Variants in COL11A1 observed in about 807,000 individuals in gnomAD.
COL11A1 encodes collagen alpha-1(XI) chain.
Under a neutral mutation model 265.2 loss-of-function variants are expected in COL11A1, and 74 were observed. The ratio of observed to expected loss-of-function variants is 0.28; its 90% CI spans 0.23 to 0.34. The LOEUF (loss-of-function observed/expected upper bound fraction) is 0.34. Ranked by LOEUF, COL11A1 falls within the 10% of genes least tolerant of loss-of-function variation. The pLI, the probability that COL11A1 is intolerant of heterozygous loss-of-function variation, is 1.00. For missense variants in COL11A1, 2,165 were observed against 2,263.6 expected (o/e 0.96, Z 0.88); for synonymous variants, 816 against 727.6 (o/e 1.12, Z -1.96).
chr1:102,924,226 G>C (rs1011503773), intron 46 of COL11A1, among the ~76,000 whole-genome samples: 2 of 151,842 alleles, frequency 1.3e-5, no homozygotes, highest in African/African-American at 4.8e-5. Context: ...GTCTCCAAAA[G>C]ACAAAAAAAT....
intron 57 of COL11A1, among the ~76,000 whole-genome samples, chr1:102,892,313 C>T (rs768597297): frequency 6.6e-6 from 1 of 152,136 alleles, no homozygotes; most frequent in East Asian, 1.9e-4. Context: ...TTCTACAAGG[C>T]TACCATGAGT....
In COL11A1 at chr1:103,078,874, G is replaced by A. The variant is rs904653314; in HGVS notation, c.275-3C>T. 2 of 1,591,928 alleles carry A rather than the reference G, an allele frequency of 1.3e-6. No individual in the cohort carries two copies. The highest frequency in any genetic ancestry group is 1.3e-5 in the African/African-American group (1 of 74,556). On this transcript the variant is annotated splice_polypyrimidine_tract_variant and splice_region_variant and intron_variant, in intron 2 of 66. Coordinates refer to ENST00000370096, the MANE Select transcript of COL11A1 (RefSeq NM_001854.4). Reference sequence around the variant, plus strand: ...AAAGTCTTCTGGGAAAGTTCCACCTGAGAAGAAAAGGCCAAAGAGTTAGAA... The same window carrying A: ...AAAGTCTTCTGGGAAAGTTCCACCTAAGAAGAAAAGGCCAAAGAGTTAGAA...
intron 5 of COL11A1, among the ~76,000 whole-genome samples, chr1:103,027,868 T>C (rs989786470): frequency 2.0e-5 from 3 of 152,184 alleles, no homozygotes; most frequent in Non-Finnish European, 2.9e-5. Flanking sequence ...TTTTTTCTCT[T>C]ATAGGACAAA....
chr1:102,933,963 G>A (rs567176284), intron 46 of COL11A1, among the ~76,000 whole-genome samples: 9 of 152,098 alleles, frequency 5.9e-5, no homozygotes, highest in South Asian at 2.1e-4. Flanking sequence ...CACGGTGCGC[G>A]CACCCACTGA....
chr1:102,946,930 T>C lies in COL11A1; in HGVS notation c.3195A>G (p.Ala1065=), dbSNP rs750226345. 12 of 1,612,882 alleles carry C rather than the reference T, an allele frequency of 7.4e-6. No homozygotes were observed. The highest frequency in any genetic ancestry group is 1.0e-5 in the Non-Finnish European group (12 of 1,179,582). ...GTAAACCAATTGGGCCAGCTGTACC[T>C]GCTGACCCACGTTCTCCTGGTGAGC... ...PVGSPGERGS[A]GTAGPIGLPG... The change falls in exon 42 of 67, where the codon GCA becomes GCG. Residue 1065 remains alanine, a synonymous_variant. Coordinates refer to ENST00000370096, the MANE Select transcript of COL11A1 (RefSeq NM_001854.4).
At chr1:103,001,810 A>T in intron 24 of COL11A1, 115 bp downstream of exon 24, 1 of 870,450 alleles carries the variant, frequency 1.1e-6, no homozygotes, top group South Asian at 1.4e-5. Flanking sequence ...TTAATTCCTT[A>T]TGTGCTGAGC....
chr1:102,970,205 A>AGT lies in COL11A1; in HGVS notation c.2862+13_2862+14insAC. On this transcript the variant is annotated intron_variant, in intron 37 of 66. Coordinates refer to ENST00000370096, the MANE Select transcript of COL11A1 (RefSeq NM_001854.4). Reference sequence around the variant, plus strand: ...GAGATGGAAATTTTTAATAAGAGTAACAAGGTCACTTACAGTCTCCCCACG... The same window carrying AGT: ...GAGATGGAAATTTTTAATAAGAGTAAGTCAAGGTCACTTACAGTCTCCCCACG... 1.2e-6 allele frequency: 2 copies of AGT among 1,611,300 alleles called. No individual in the cohort carries two copies. Among genetic ancestry groups the AGT allele is most frequent in the Non-Finnish European group, 1.7e-6 (2 of 1,177,888 alleles).
chr1:103,076,895 T>C (rs957166668), intron 3 of COL11A1, among the ~76,000 whole-genome samples: 1 of 152,158 alleles, frequency 6.6e-6, no homozygotes, highest in Non-Finnish European at 1.5e-5. Flanking sequence ...GAATGTTCAC[T>C]CATGATGAAT....
At chr1:102,937,507 G>A (rs534961054) in intron 44 of COL11A1, among the ~76,000 whole-genome samples, 12 of 152,238 alleles carry the variant, frequency 7.9e-5, no homozygotes, top group African/African-American at 2.9e-4. Flanking sequence ...CCTAAATGGA[G>A]GTGTTTTGGT....
intron 49 of COL11A1, 40 bp from the exon 50 acceptor site, chr1:102,915,724 T>A: frequency 7.0e-7 from 1 of 1,423,204 alleles, no homozygotes; most frequent in South Asian, 1.2e-5. Context: ...AATACAGAGA[T>A]GATCTTTTAC....
rs146834807 is a variant in COL11A1 at position 102,959,709 on chromosome 1, G to T, written c.3168+2157C>A. ...CACAGTTGAAGCCAAATAAATAAAAGTACATTTAATGTTATTCTACATGTA... is the reference window on the plus strand; with the variant it reads ...CACAGTTGAAGCCAAATAAATAAAATTACATTTAATGTTATTCTACATGTA... On this transcript the variant is annotated intron_variant, in intron 41 of 66. Coordinates refer to ENST00000370096, the MANE Select transcript of COL11A1 (RefSeq NM_001854.4). 4.1e-3 allele frequency among the ~76,000 whole-genome samples: 629 copies of T among 152,160 alleles called. 4 individuals carry two copies. Among genetic ancestry groups the T allele is most frequent in the African/African-American group, 0.014 (600 of 41,524 alleles).
chr1:102,912,134 C>A (rs1349945614), intron 54 of COL11A1, 25 bp downstream of exon 54: 1 of 1,592,332 alleles, frequency 6.3e-7, no homozygotes, highest in Non-Finnish European at 8.6e-7. Flanking sequence ...GCATATGTTT[C>A]AAATAAAGAA....
At chr1:103,001,694 T>C (rs1665121616) in intron 24 of COL11A1, 1 of 572,190 alleles carries the variant, frequency 1.7e-6, no homozygotes, top group African/African-American at 1.9e-5. Flanking sequence ...TAGCTGAGAA[T>C]GCCACATTTG....
rs1313374505 is a variant in COL11A1, at chr1:102,881,728, C to T, written c.5009G>A (p.Ser1670Asn). Reference protein sequence around the residue: ...ISSWPKEKPGSWFSEFKRGKL... With the variant: ...ISSWPKEKPGNWFSEFKRGKL... The stretch of plus-strand genomic sequence containing the variant: ...TCCCCTCTTAAATTCACTAAACCAA[C>T]TTCCTGGTTTCTCCTTTGGCCATGA... Residue 1670 changes from serine (S) to asparagine (N), a missense_variant, in exon 65 of 67, where the codon AGT (serine) becomes AAT (asparagine). By Grantham distance (46) the Ser-to-Asn change is conservative. Transcript: ENST00000370096. 8 of 1,612,646 alleles carry T rather than the reference C, an allele frequency of 5.0e-6. No homozygotes were observed. In the East Asian group the frequency reaches 1.3e-4, roughly 27 times the overall value.
At chr1:102,986,330 G>T (rs867270518) in intron 30 of COL11A1, among the ~76,000 whole-genome samples, 1 of 147,568 alleles carries the variant, frequency 6.8e-6, no homozygotes, top group African/African-American at 2.5e-5. Flanking sequence ...ACCAAGCACC[G>T]CATGTTCTCA....
chr1:103,001,434 CAT>C (rs376063043), intron 24 of COL11A1: 2 of 406,402 alleles, frequency 4.9e-6, no homozygotes, highest in Non-Finnish European at 8.7e-6. Context: ...GGGAAAAAGA[CAT>C]GTGTTTAATT....
intron 41 of COL11A1, among the ~76,000 whole-genome samples, chr1:102,961,239 G>C (rs1216880696): frequency 6.6e-6 from 1 of 152,094 alleles, no homozygotes; most frequent in African/African-American, 2.4e-5. Flanking sequence ...ATTGTTTTCT[G>C]AGGGATTGAT....
intron 64 of COL11A1, among the ~76,000 whole-genome samples, chr1:102,882,348 G>A (rs975231564): frequency 9.2e-5 from 14 of 152,152 alleles, no homozygotes; most frequent in Non-Finnish European, 1.6e-4. Flanking sequence ...CGAGTTATCT[G>A]TGTAAGAAAC....
chr1:103,027,443 A>G (rs1667631674), intron 5 of COL11A1, among the ~76,000 whole-genome samples: 1 of 99,306 alleles, frequency 1.0e-5, no homozygotes, highest in African/African-American at 3.5e-5. Flanking sequence ...ATATATATAT[A>G]TGCATGCATG....
Sources: allele counts gnomAD v4.1 joint callset (sites outside exome capture counted in the v4.1 genomes callset), GRCh38; gene constraint gnomAD v4.1.1; transcripts MANE v1.5; gene names NCBI Gene and HGNC (gene_info 2026-07-23, HGNC 2026-07-21).